The following NPAS3 variants were observed in gnomAD, a reference collection of about 807,000 sequenced individuals.
NPAS3 encodes the protein neuronal PAS domain protein 3, also known as neuronal PAS domain-containing protein 3.
A neutral mutation model predicts 73.1 loss-of-function variants in NPAS3; 14 were observed. The ratio of observed to expected loss-of-function variants is 0.19; its 90% confidence interval spans 0.13 to 0.30. NPAS3 has a LOEUF of 0.30. NPAS3 is among the 10% of genes least tolerant of loss of function. The pLI, the probability that NPAS3 is intolerant of heterozygous loss-of-function variation, is 1.00. For missense variants in NPAS3, 1,096 were observed against 1,250.0 expected, an observed-to-expected ratio of 0.88 and a Z score of 1.86; for synonymous variants, 620 against 541.5, an observed-to-expected ratio of 1.14 and a Z score of -2.01.
At chr14:32,953,484 GAATGGGCTTCAGGAAATCC>G (rs1466241665) in intron 1 of NPAS3, among the ~76,000 whole-genome samples, 10 of 152,156 alleles carry the variant, frequency 6.6e-5, no homozygotes, top group Admixed American at 6.6e-4. Flanking sequence ...AGCAGTCAGT[GAATGGGCTTCAGGAAATCC>G]AATAATCTAC....
rs181816856 is a variant in NPAS3, at chr14:33,646,444, T to C, written c.559-29767T>C. On this transcript the variant is annotated intron_variant, in intron 5 of 11. Transcript: ENST00000356141. ...TCTAGTAAATGGATGTCTGCGTAGATGACTGGTCAATCAATTGATCAAAAT... is the reference window on the plus strand; with the variant it reads ...TCTAGTAAATGGATGTCTGCGTAGACGACTGGTCAATCAATTGATCAAAAT... 3.5e-3 allele frequency among the ~76,000 whole-genome samples: 537 copies of C among 152,308 alleles called. 1 individual carries two copies. The highest frequency in any genetic ancestry group is 5.7e-3 in the Non-Finnish European group (390 of 68,022).
At chr14:33,289,995 T>C (rs2042035648) in intron 3 of NPAS3, among the ~76,000 whole-genome samples, 1 of 152,144 alleles carries the variant, frequency 6.6e-6, no homozygotes, top group Non-Finnish European at 1.5e-5. Flanking sequence ...TCTGACCATC[T>C]TTTTAGGGAG....
At position 33,464,378 on chromosome 14, in the gene NPAS3, G is replaced by A. The variant is rs552928577; in HGVS notation, c.469-95743G>A. On this transcript the variant is annotated intron_variant, in intron 4 of 11. Coordinates refer to ENST00000356141, the Ensembl canonical transcript of NPAS3. Reference sequence around the variant, plus strand: ...GGTAACAGTAAGGGCTGCACTGGCCGAGTACATTACAGTAATCTATTGTTG... The same window carrying A: ...GGTAACAGTAAGGGCTGCACTGGCCAAGTACATTACAGTAATCTATTGTTG... Among the ~76,000 whole-genome samples the A allele has an allele frequency of 5.3e-5, 8 of 152,226 alleles. No individual in the cohort carries two copies. The East Asian group carries it at 1.2e-3, about 22-fold the overall frequency.
chr14:33,481,261 T>TCATTGCAAC (rs1289541059), intron 4 of NPAS3, among the ~76,000 whole-genome samples: 10 of 144,512 alleles, frequency 6.9e-5, no homozygotes, highest in Non-Finnish European at 1.4e-4. Flanking sequence ...CTTAGTAACT[T>TCATTGCAAC]GTCTCTGTTC....
At chr14:33,438,116 TAAA>T (rs995965755) in intron 4 of NPAS3, among the ~76,000 whole-genome samples, 2 of 152,144 alleles carry the variant, frequency 1.3e-5, no homozygotes, top group Non-Finnish European at 2.9e-5. Context: ...TCTTGATATT[TAAA>T]AAAACAACTG....
chr14:33,168,734 A>G (rs2045268559), intron 2 of NPAS3, among the ~76,000 whole-genome samples: 1 of 151,990 alleles, frequency 6.6e-6, no homozygotes. Flanking sequence ...CTTCACACCT[A>G]TGTCCTCTTC....
chr14:33,145,335 C>T (rs530766487), intron 2 of NPAS3, among the ~76,000 whole-genome samples: 13 of 152,026 alleles, frequency 8.6e-5, no homozygotes, highest in Non-Finnish European at 1.6e-4. Context: ...AGTGATAGGC[C>T]GGAATTTCAA....
chr14:33,583,888 G>A (rs1248470138), intron 5 of NPAS3, among the ~76,000 whole-genome samples: 1 of 152,202 alleles, frequency 6.6e-6, no homozygotes, highest in African/African-American at 2.4e-5. Flanking sequence ...CTTCTTCAGA[G>A]TTTAAGGGTT....
chr14:33,714,329 G>A (rs575990855), intron 6 of NPAS3, among the ~76,000 whole-genome samples: 56 of 151,124 alleles, frequency 3.7e-4, no homozygotes, highest in Admixed American at 1.3e-3. Flanking sequence ...CCTCCCACCC[G>A]TCACTCTCCT....
chr14:33,573,007 G>A (rs1190829148), intron 5 of NPAS3, among the ~76,000 whole-genome samples: 1 of 129,864 alleles, frequency 7.7e-6, no homozygotes, highest in Admixed American at 8.0e-5. Flanking sequence ...TGGAGACAGA[G>A]TGAGACTTCT....
intron 2 of NPAS3, 98 bp from the exon 3 acceptor site, chr14:33,215,083 GA>G: frequency 1.5e-6 from 2 of 1,296,450 alleles, no homozygotes; most frequent in Non-Finnish European, 2.1e-6. Flanking sequence ...GTTTTTGGTA[GA>G]ATTTTGGTGG....
chr14:33,282,058 G>A (rs780174964), intron 3 of NPAS3, among the ~76,000 whole-genome samples: 1 of 152,076 alleles, frequency 6.6e-6, no homozygotes, highest in African/African-American at 2.4e-5. Context: ...CAAAAGAATG[G>A]CCAAGAACTC....
chr14:33,242,159 A>G (rs1236076515), intron 3 of NPAS3, among the ~76,000 whole-genome samples: 1 of 152,042 alleles, frequency 6.6e-6, no homozygotes, highest in Non-Finnish European at 1.5e-5. Context: ...GAAGAAAAAT[A>G]AGTCGCAAAC....
intron 3 of NPAS3, among the ~76,000 whole-genome samples, chr14:33,226,862 G>A (rs2139746356): frequency 6.6e-6 from 1 of 152,254 alleles, no homozygotes; most frequent in South Asian, 2.1e-4. Context: ...TAAGACTGTT[G>A]AATATCAGCA....
At chr14:32,944,052 C>G (rs1317286060) in intron 1 of NPAS3, among the ~76,000 whole-genome samples, 1 of 152,168 alleles carries the variant, frequency 6.6e-6, no homozygotes. Flanking sequence ...TAATGCTTTC[C>G]TCTACTAACT....
At chr14:33,175,448 A>G (rs2045552524) in intron 2 of NPAS3, among the ~76,000 whole-genome samples, 1 of 152,156 alleles carries the variant, frequency 6.6e-6, no homozygotes, top group African/African-American at 2.4e-5. Flanking sequence ...AAGCATACCT[A>G]CTTGTTTCAA....
At chr14:33,359,183 G>A (rs1034307711) in intron 3 of NPAS3, among the ~76,000 whole-genome samples, 2 of 152,160 alleles carry the variant, frequency 1.3e-5, no homozygotes, top group African/African-American at 4.8e-5. Flanking sequence ...AGAGGGAAAA[G>A]GCAAGAGACT....
At chr14:33,425,047 A>G (rs762554990) in intron 4 of NPAS3, among the ~76,000 whole-genome samples, 4 of 152,054 alleles carry the variant, frequency 2.6e-5, no homozygotes, top group Admixed American at 2.0e-4. Flanking sequence ...TGCCAGTGCC[A>G]TGGAAGCCAA....
chr14:33,666,963 C>T (rs1412595354), intron 5 of NPAS3, among the ~76,000 whole-genome samples: 2 of 152,164 alleles, frequency 1.3e-5, no homozygotes, highest in Non-Finnish European at 2.9e-5. Flanking sequence ...TCAACAGAAA[C>T]ACATTGCAAA....
Sources: gnomAD v4.1 joint callset for allele counts (sites outside exome capture counted in the v4.1 genomes callset) on GRCh38, gnomAD v4.1.1 for gene constraint, MANE v1.5 for transcripts, NCBI Gene and HGNC (gene_info 2026-07-23, HGNC 2026-07-21) for gene names.